Variants in YWHAQ observed in about 807,000 individuals in gnomAD.
The protein encoded by YWHAQ is 14-3-3 protein theta.
A neutral mutation model predicts 28.3 loss-of-function variants in YWHAQ; 6 were observed. That is an observed-to-expected ratio of 0.21 (90% CI 0.12 to 0.42). The LOEUF (loss-of-function observed/expected upper bound fraction) is 0.42, where lower values mean the gene tolerates loss of function less well. YWHAQ is among the 10% of genes least tolerant of loss of function. The pLI, the probability that YWHAQ is intolerant of heterozygous loss-of-function variation, is 1.00. For missense variants in YWHAQ, 201 were observed against 305.6 expected (o/e 0.66, Z 2.55); for synonymous variants, 143 against 119.1 (o/e 1.20, Z -1.31).
rs142355975 is a variant in YWHAQ at position 9,628,379 on chromosome 2, C to T, written c.294+1780G>A. On this transcript the variant is annotated intron_variant, in intron 2 of 5. Coordinates refer to ENST00000238081, the MANE Select transcript of YWHAQ (RefSeq NM_006826.4). The stretch of plus-strand genomic sequence containing the variant: ...AACACCTGGTCTCTCTCTCAAGCTA[C>T]GTATCAACTAAGCAAAACTCTTCCC... Among the ~76,000 whole-genome samples the T allele has an allele frequency of 6.0e-4, 92 of 152,286 alleles. 2 individuals are homozygous for T. The East Asian group carries it at 0.016, about 27-fold the overall frequency.
intron 2 of YWHAQ, among the ~76,000 whole-genome samples, chr2:9,626,452 C>T (rs1451382702): frequency 6.6e-6 from 1 of 152,130 alleles, no homozygotes. Context: ...TTTTTGTTTT[C>T]AGAGTCTCGC....
intron 2 of YWHAQ, among the ~76,000 whole-genome samples, chr2:9,622,952 G>A (rs1464536401): frequency 2.0e-5 from 3 of 152,278 alleles, no homozygotes; most frequent in African/African-American, 7.2e-5. Flanking sequence ...ATTCAGATAC[G>A]TTTTCTGTTG....
At chr2:9,598,040 G>A (rs894178217) in intron 2 of YWHAQ, among the ~76,000 whole-genome samples, 25 of 129,750 alleles carry the variant, frequency 1.9e-4, no homozygotes, top group East Asian at 2.1e-4. Context: ...CTCCATGTTG[G>A]TCAGGCTGGT....
chr2:9,598,441 T>G (rs528165128), intron 2 of YWHAQ, among the ~76,000 whole-genome samples: 1 of 152,332 alleles, frequency 6.6e-6, no homozygotes, highest in Admixed American at 6.5e-5. Flanking sequence ...ACTGCTCTTT[T>G]GCAGATACTG....
chr2:9,586,194 C>T (rs1666340737), intron 5 of YWHAQ, among the ~76,000 whole-genome samples: 2 of 152,164 alleles, frequency 1.3e-5, no homozygotes, highest in African/African-American at 2.4e-5. Context: ...TACAGGGAAG[C>T]AATGTGTGCA....
chr2:9,620,000 AAG>A (rs1260094200), intron 2 of YWHAQ, among the ~76,000 whole-genome samples: 2 of 152,242 alleles, frequency 1.3e-5, no homozygotes, highest in East Asian at 3.8e-4. Context: ...CAACAGCAGT[AAG>A]AGTTATTCAG....
At chr2:9,589,614 G>T (rs1180987750) in intron 3 of YWHAQ, among the ~76,000 whole-genome samples, 1 of 152,070 alleles carries the variant, frequency 6.6e-6, no homozygotes, top group African/African-American at 2.4e-5. Context: ...AATTTGACTG[G>T]AATACCCTTT....
chr2:9,615,038 T>C (rs918165441), intron 2 of YWHAQ, among the ~76,000 whole-genome samples: 17 of 152,146 alleles, frequency 1.1e-4, no homozygotes, highest in African/African-American at 2.4e-4. Flanking sequence ...TAACAGTACA[T>C]AGAGGAAAAA....
At chr2:9,600,892 C>T (rs575050335) in intron 2 of YWHAQ, among the ~76,000 whole-genome samples, 3 of 152,168 alleles carry the variant, frequency 2.0e-5, no homozygotes, top group East Asian at 1.9e-4. Flanking sequence ...CTTAGATGAT[C>T]GATTTCTTGG....
chr2:9,600,654 G>A (rs866297002), intron 2 of YWHAQ, among the ~76,000 whole-genome samples: 153 of 152,104 alleles, frequency 1.0e-3, no homozygotes, highest in African/African-American at 3.2e-3. Context: ...GTGGTGAGCC[G>A]AGGTCGCGCC....
At chr2:9,614,435 T>C (rs1474528708) in intron 2 of YWHAQ, among the ~76,000 whole-genome samples, 2 of 152,178 alleles carry the variant, frequency 1.3e-5, no homozygotes, top group African/African-American at 4.8e-5. Context: ...AGCCATTAAT[T>C]TGTGGAGGAA....
chr2:9,616,008 T>G (rs1667034720), intron 2 of YWHAQ, among the ~76,000 whole-genome samples: 1 of 152,186 alleles, frequency 6.6e-6, no homozygotes, highest in South Asian at 2.1e-4. Flanking sequence ...TAGAACGTAA[T>G]AGTACCCAAA....
chr2:9,622,870 T>C (rs1436154502), intron 2 of YWHAQ, among the ~76,000 whole-genome samples: 1 of 152,244 alleles, frequency 6.6e-6, no homozygotes, highest in East Asian at 1.9e-4. Context: ...TGGATAAACT[T>C]TGCTTCTCTT....
rs773284973 is a variant in YWHAQ, at chr2:9,591,411, C to T, written c.399G>A (p.Ala133=). 2.6e-5 allele frequency: 42 copies of T among 1,612,128 alleles called. 1 individual carries two copies. Among genetic ancestry groups the T allele is most frequent in the African/African-American group, 9.3e-5 (7 of 74,876 alleles). ...GDYFRYLAEV[A]CGDDRKQTID... ...ACTTACGTTTTCGATCATCACCACA[C>T]GCAACTTCAGCAAGGTACCGGAAGT... Residue 133 remains alanine (A), a synonymous_variant, in exon 3 of 6, where the codon GCG becomes GCA. Coordinates refer to ENST00000238081, the MANE Select transcript of YWHAQ (RefSeq NM_006826.4).
chr2:9,603,105 T>C lies in YWHAQ; in HGVS notation c.295-11590A>G, dbSNP rs79714552. On this transcript the variant is annotated intron_variant, in intron 2 of 5. Transcript: ENST00000238081. ...TTAATAAAACAGTATTTTCAATAGG[T>C]AAACATTCATATAGCTAAAGTATAA... Among the ~76,000 whole-genome samples the C allele has an allele frequency of 8.1e-4, 123 of 151,484 alleles. No individual in the cohort carries two copies. In the East Asian group the frequency reaches 0.02, roughly 25 times the overall value.
chr2:9,594,793 A>G (rs1363017463), intron 2 of YWHAQ, among the ~76,000 whole-genome samples: 2 of 152,200 alleles, frequency 1.3e-5, no homozygotes, highest in Non-Finnish European at 2.9e-5. Context: ...GTCTGACTAG[A>G]ACAATGGCTT....
rs192902800 is a variant in YWHAQ at position 9,607,025 on chromosome 2, C to T, written c.295-15510G>A. Among the ~76,000 whole-genome samples, 56 of 149,366 alleles carry T rather than the reference C, an allele frequency of 3.7e-4. 1 individual carries two copies. The highest frequency in any genetic ancestry group is 1.0e-4 in the Non-Finnish European group (7 of 67,394). ...TCAGCCTCCCAAGTAGCTGGGATTA[C>T]ACGTGCGCGACACCATACCCGGCTA... On this transcript the variant is annotated intron_variant, in intron 2 of 5. Transcript: ENST00000238081.
At chr2:9,610,606 T>C (rs892810749) in intron 2 of YWHAQ, among the ~76,000 whole-genome samples, 1 of 152,142 alleles carries the variant, frequency 6.6e-6, no homozygotes, top group African/African-American at 2.4e-5. Context: ...CCTCCTGGGT[T>C]CAAACGATTC....
intron 2 of YWHAQ, among the ~76,000 whole-genome samples, chr2:9,603,952 C>CT (rs1558545686): frequency 6.6e-6 from 1 of 152,098 alleles, no homozygotes; most frequent in Non-Finnish European, 1.5e-5. Flanking sequence ...TAAACTAAAA[C>CT]TTTGTCTTTA....
Sources: allele counts gnomAD v4.1 joint callset (sites outside exome capture counted in the v4.1 genomes callset), GRCh38; gene constraint gnomAD v4.1.1; transcripts MANE v1.5; gene names NCBI Gene and HGNC (gene_info 2026-07-23, HGNC 2026-07-21).